BET1: variants seen among roughly 807,000 people sequenced by gnomAD.
BET1 encodes the protein BET1 homolog.
Under a neutral mutation model 13.9 loss-of-function variants are expected in BET1, and 9 were observed. The ratio of observed to expected loss-of-function variants is 0.65; its 90% confidence interval spans 0.39 to 1.13. The LOEUF is 1.13. Ranked by LOEUF, BET1 falls within the 50% of genes most tolerant of loss-of-function variation. The pLI is 0.01. For missense variants in BET1, 127 were observed against 133.6 expected (o/e 0.95, Z 0.24); for synonymous variants, 39 against 47.3 (o/e 0.82, Z 0.72).
At chr7:93,996,826 GAATT>G (rs1315597782) in intron 2 of BET1, among the ~76,000 whole-genome samples, 1 of 151,618 alleles carries the variant, frequency 6.6e-6, no homozygotes, top group African/African-American at 2.4e-5. Context: ...CGTCAACCAA[GAATT>G]AAGCCTAGTA....
intron 4 of BET1, among the ~76,000 whole-genome samples, chr7:93,986,547 C>T (rs1795531333): frequency 6.6e-6 from 1 of 152,170 alleles, no homozygotes; most frequent in South Asian, 2.1e-4. Flanking sequence ...TAGGGATATG[C>T]CCCGCCTGTC....
intron 1 of BET1, chr7:93,999,597 T>C (rs1035702366): frequency 2.1e-6 from 1 of 467,364 alleles, no homozygotes; most frequent in African/African-American, 2.0e-5. Flanking sequence ...TCAGGATACA[T>C]TCCCTGCTCA....
exon 7 of BET1, chr7:93,965,385 T>G (rs1382436284): frequency 6.6e-6 from 1 of 151,920 alleles, no homozygotes; most frequent in Non-Finnish European, 1.5e-5. Context: ...GTGGCAAAAT[T>G]GAAAAAAAGC....
Position 94,004,271 on chromosome 7 carries a change from C to T in BET1, c.-55G>A, listed in dbSNP as rs1795980493. The T allele has an allele frequency of 6.2e-6, 10 of 1,612,686 alleles. No individual in the cohort carries two copies. In the Admixed American group the frequency reaches 1.5e-4, roughly 24 times the overall value. On this transcript the variant is annotated 5_prime_UTR_variant, in exon 1 of 4. Transcript: ENST00000222547. Reference sequence around the variant, plus strand: ...TGCGGGGCTTTGGGTGAGTAGGAAACAGCTAGGGGCGACCCGGACCGCGTC... The same window carrying T: ...TGCGGGGCTTTGGGTGAGTAGGAAATAGCTAGGGGCGACCCGGACCGCGTC...
At chr7:93,977,172 T>C (rs1304332003) in intron 4 of BET1, among the ~76,000 whole-genome samples, 2 of 152,068 alleles carry the variant, frequency 1.3e-5, no homozygotes, top group East Asian at 3.9e-4. Context: ...ATCAAAGATG[T>C]TGGAGGGGCT....
At chr7:93,977,998 C>G (rs1175837307) in intron 4 of BET1, among the ~76,000 whole-genome samples, 1 of 152,068 alleles carries the variant, frequency 6.6e-6, no homozygotes, top group Non-Finnish European at 1.5e-5. Context: ...AGGCCATAAT[C>G]TAATGTTTCT....
At chr7:93,964,774 C>A (rs770639461) in exon 7 of BET1, 1 of 151,906 alleles carries the variant, frequency 6.6e-6, no homozygotes, top group African/African-American at 2.4e-5. Flanking sequence ...TGAGATACCA[C>A]GAGATTGCAC....
At position 93,993,909 on chromosome 7, in the gene BET1, A is replaced by G. The variant is rs1320184013; in HGVS notation, c.*321T>C. 7.2e-6 allele frequency: 11 copies of G among 1,535,690 alleles called. No homozygotes were observed. In the Admixed American group the frequency reaches 1.8e-4, roughly 25 times the overall value. On this transcript the variant is annotated 3_prime_UTR_variant, in exon 4 of 4. Transcript: ENST00000222547. Reference sequence around the variant, plus strand: ...CTAAGTTTCCTTACATGGGACATAAACCTGCATTTATGATTACAACAAAAT... The same window carrying G: ...CTAAGTTTCCTTACATGGGACATAAGCCTGCATTTATGATTACAACAAAAT...
chr7:93,979,319 C>A (rs1241921999), intron 4 of BET1, among the ~76,000 whole-genome samples: 1 of 152,140 alleles, frequency 6.6e-6, no homozygotes, highest in Non-Finnish European at 1.5e-5. Flanking sequence ...AGTGCAATGG[C>A]AGGGATTTAC....
chr7:93,997,910 C>T (rs1795806968), intron 2 of BET1, among the ~76,000 whole-genome samples: 1 of 152,108 alleles, frequency 6.6e-6, no homozygotes, highest in Non-Finnish European at 1.5e-5. Context: ...ATAAGTGCTA[C>T]AGAAATGGCA....
rs113320403 is a variant in BET1, at chr7:93,993,662, C to T, written c.*568G>A. The T allele has an allele frequency of 2.3e-6, 3 of 1,317,206 alleles. No homozygotes were observed. Among genetic ancestry groups the T allele is most frequent in the African/African-American group, 1.5e-5 (1 of 65,962 alleles). 81.6% of individuals were successfully genotyped at this position (1,317,206 alleles called of 1,614,324 possible). A position where few individuals can be genotyped will look rare whatever the true frequency, so the allele number is the denominator to read the frequency against. On this transcript the variant is annotated 3_prime_UTR_variant, in exon 4 of 4. Transcript: ENST00000222547. ...ACAAGTTTTATTTAAAGAATGAGGT[C>T]TTTGGGCAGAAAGAAATGAGGGGTC...
chr7:93,962,841 T>C (rs1420109933), exon 7 of BET1: 1 of 151,704 alleles, frequency 6.6e-6, no homozygotes, highest in Non-Finnish European at 1.5e-5. Context: ...AATACTGAGC[T>C]AATAGATTCC....
chr7:93,973,108 T>A (rs1795284427), intron 5 of BET1, among the ~76,000 whole-genome samples: 1 of 151,934 alleles, frequency 6.6e-6, no homozygotes, highest in South Asian at 2.1e-4. Flanking sequence ...ATGAATTATT[T>A]GGTTATACAG....
At chr7:94,000,867 T>C (rs1327514813) in intron 1 of BET1, among the ~76,000 whole-genome samples, 1 of 152,174 alleles carries the variant, frequency 6.6e-6, no homozygotes. Flanking sequence ...CTGCACACAG[T>C]TGCTTGCACC....
intron 1 of BET1, among the ~76,000 whole-genome samples, chr7:93,999,970 C>G (rs1256202988): frequency 6.6e-6 from 1 of 152,190 alleles, no homozygotes; most frequent in African/African-American, 2.4e-5. Context: ...TAAGAATGTA[C>G]ACCTCCCTGC....
At chr7:93,991,785 A>G, downstream of BET1, 2 of 963,420 alleles carry the variant, frequency 2.1e-6, no homozygotes, top group Non-Finnish European at 2.5e-6. Flanking sequence ...CCCAATAAAT[A>G]TTTAGTCAAA....
At chr7:94,002,315 G>A (rs1445630982) in intron 1 of BET1, among the ~76,000 whole-genome samples, 2 of 151,368 alleles carry the variant, frequency 1.3e-5, no homozygotes, top group Non-Finnish European at 2.9e-5. Flanking sequence ...AAAATTTCAG[G>A]TCAATATGCA....
intron 4 of BET1, among the ~76,000 whole-genome samples, chr7:93,980,638 G>A (rs1490086570): frequency 6.6e-6 from 1 of 152,070 alleles, no homozygotes; most frequent in Non-Finnish European, 1.5e-5. Context: ...GGCCATACAT[G>A]GAAAGCCCAC....
rs73715584 is a variant in BET1, at chr7:94,001,069, G to A, written c.20-1775C>T. ...GCACTGATCACTGAAGGACAGTCAAGGTGTGAATAGGAACTTCTTTCAAGG... is the reference window on the plus strand; with the variant it reads ...GCACTGATCACTGAAGGACAGTCAAAGTGTGAATAGGAACTTCTTTCAAGG... On this transcript the variant is annotated intron_variant, in intron 1 of 3. Coordinates refer to ENST00000222547, the MANE Select transcript of BET1 (RefSeq NM_005868.6). Among the ~76,000 whole-genome samples, 1,104 of 152,284 alleles carry A rather than the reference G, an allele frequency of 7.2e-3. 11 individuals carry two copies. Among genetic ancestry groups the A allele is most frequent in the African/African-American group, 0.024 (998 of 41,564 alleles).
Sources: gnomAD v4.1 joint callset for allele counts (sites outside exome capture counted in the v4.1 genomes callset) on GRCh38, gnomAD v4.1.1 for gene constraint, MANE v1.5 for transcripts, NCBI Gene and HGNC (gene_info 2026-07-23, HGNC 2026-07-21) for gene names.